Variants in AHRR observed in about 807,000 individuals in gnomAD.
The protein encoded by AHRR is aryl hydrocarbon receptor repressor, also known as ahR repressor.
AHRR carries 28 observed loss-of-function variants against 44.0 expected under a neutral mutation model. The ratio of observed to expected loss-of-function variants is 0.64; its 90% CI spans 0.47 to 0.87. The LOEUF is 0.87. Among genes scored for constraint, AHRR ranks in the 40% least tolerant of loss-of-function variants. AHRR has a pLI of 0.00. For synonymous variants in AHRR, 434 were observed against 407.0 expected, an observed-to-expected ratio of 1.07 and a Z score of -0.80; for missense variants, 990 against 953.9, an observed-to-expected ratio of 1.04 and a Z score of -0.50.
chr5:377,103 G>C (rs540691059), intron 4 of AHRR, among the ~76,000 whole-genome samples: 3 of 152,258 alleles, frequency 2.0e-5, no homozygotes, highest in Admixed American at 6.5e-5. Context: ...GGCTTCCCTG[G>C]TGTGGTTTCA....
At position 427,506 on chromosome 5, in the gene AHRR, G is replaced by A. The variant is rs1023565488; in HGVS notation, c.709-301G>A. ...CACAGGCGCAGTTCGTGCCACCTGC[G>A]CATGGGGTGGCACACATGAACAGGC... On this transcript the variant is annotated intron_variant, in intron 7 of 10. Coordinates refer to ENST00000684583, the MANE Select transcript of AHRR (RefSeq NM_001377236.1). 136 of 1,115,568 alleles carry A rather than the reference G, an allele frequency of 1.2e-4. No homozygotes were observed. The Middle Eastern group carries it at 3.0e-3, about 25-fold the overall frequency. 69.1% of individuals were successfully genotyped at this position (1,115,568 alleles called of 1,614,324 possible).
At position 434,109 on chromosome 5, in the gene AHRR, C is replaced by T; in HGVS notation, c.1369C>T (p.Pro457Ser). The T allele has an allele frequency of 6.2e-7, 1 of 1,613,106 alleles. No individual in the cohort carries two copies. The highest frequency in any genetic ancestry group is 8.5e-7 in the Non-Finnish European group (1 of 1,179,922). ...SPISHPPSPS[P>S]SAYSSRTSRP... The stretch of plus-strand genomic sequence containing the variant: ...CATCTCTCACCCGCCGAGCCCGTCC[C>T]CCAGTGCCTACTCCAGCCGGACCAG... Residue 457 changes from proline (P) to serine (S), a missense_variant, in exon 11 of 11, where the codon CCC becomes TCC. Pro to Ser is a moderately conservative substitution (Grantham distance 74). Transcript: ENST00000684583.
At chr5:345,543 T>G (rs1742635710) in intron 2 of AHRR, among the ~76,000 whole-genome samples, 2 of 143,698 alleles carry the variant, frequency 1.4e-5, no homozygotes, top group African/African-American at 2.6e-5. Flanking sequence ...TCTGGCTGTG[T>G]GTGGGGATGT....
intron 3 of AHRR, chr5:367,728 C>A (rs538347395): frequency 1.7e-5 from 11 of 643,360 alleles, no homozygotes; most frequent in Non-Finnish European, 3.1e-5. Context: ...GACACCACCC[C>A]CTCTGCTGCT....
intron 4 of AHRR, among the ~76,000 whole-genome samples, chr5:400,038 AC>A (rs1734946958): frequency 6.6e-6 from 1 of 152,026 alleles, no homozygotes; most frequent in African/African-American, 2.4e-5. Context: ...AGCTGCCCCG[AC>A]GCCCGCCCGG....
intron 4 of AHRR, 59 bp downstream of exon 4, chr5:376,775 T>C: frequency 6.9e-7 from 1 of 1,445,442 alleles, no homozygotes; most frequent in Non-Finnish European, 9.5e-7. Context: ...GTCACGCGTG[T>C]TCAGGCTCAG....
intron 2 of AHRR, among the ~76,000 whole-genome samples, chr5:346,630 G>C (rs988652571): frequency 1.2e-4 from 19 of 152,172 alleles, no homozygotes; most frequent in Non-Finnish European, 2.4e-4. Context: ...AACCCTTCCT[G>C]GCCCCCTACG....
At chr5:402,382 C>T (rs573994023) in intron 4 of AHRR, among the ~76,000 whole-genome samples, 249 of 146,386 alleles carry the variant, frequency 1.7e-3, no homozygotes, top group African/African-American at 5.9e-3. Flanking sequence ...AGGGGACCCT[C>T]GTGCACTGTT....
intron 2 of AHRR, among the ~76,000 whole-genome samples, 179 bp downstream of exon 2, chr5:344,143 G>C (rs1226358287): frequency 2.0e-5 from 3 of 151,350 alleles, no homozygotes; most frequent in Admixed American, 2.0e-4. Context: ...GCAGCGCCCC[G>C]GTGCCCGGAG....
At chr5:344,106 C>A (rs1200527165) in intron 2 of AHRR, 142 bp downstream of exon 2, 2 of 812,172 alleles carry the variant, frequency 2.5e-6, no homozygotes, top group South Asian at 1.7e-5. Flanking sequence ...TGAGCTCCGG[C>A]GCGGGCGGCG....
In AHRR at chr5:434,734, G is replaced by A; in HGVS notation, c.1994G>A (p.Trp665Ter). ...CGGGAGCCCTTGGACTCACCCCAGT[G>A]GGCTACTCACAGCCAGGGAATGGTG... Reference protein sequence around the residue: ...VKREPLDSPQWATHSQGMVPG... With the variant: ...VKREPLDSPQ Residue 665 changes from tryptophan (W) to a stop codon, truncating the protein, a stop_gained, in exon 11 of 11, where the codon TGG becomes TAG. Transcript: ENST00000684583. LOFTEE classifies it low-confidence loss of function (END_TRUNC). 1.3e-6 allele frequency: 2 copies of A among 1,570,514 alleles called. No individual in the cohort carries two copies. Among genetic ancestry groups the A allele is most frequent in the South Asian group, 1.2e-5 (1 of 85,584 alleles).
rs1735138524 is a variant in AHRR, at chr5:403,849, A to G, written c.352-9495A>G. 5 of 1,575,750 alleles carry G rather than the reference A, an allele frequency of 3.2e-6. No individual in the cohort carries two copies. In the Admixed American group the frequency reaches 6.7e-5, roughly 21 times the overall value. ...CTCTTCCTTTTTGCTCAAAGGACAA[A>G]GAACCCACATTAAAGCTTTTCCTCC... On this transcript the variant is annotated intron_variant, in intron 4 of 10. Coordinates refer to ENST00000684583, the MANE Select transcript of AHRR (RefSeq NM_001377236.1).
rs775391953 is a variant in AHRR at position 353,865 on chromosome 5, C to A, written c.198C>A (p.Val66=). 3 of 1,614,146 alleles carry A rather than the reference C, an allele frequency of 1.9e-6. No individual in the cohort carries two copies. In the South Asian group the frequency reaches 3.3e-5, roughly 18 times the overall value. ...DIISKLDKLS[V]LRLSVSYLRV... is the part of the protein sequence containing the mutation. ...TCTCCAAGCTGGACAAGCTTTCTGT[C>A]CTGCGCCTCAGTGTCAGTTACCTCC... Residue 66 remains valine (V), a synonymous_variant, in exon 3 of 11, where the codon GTC becomes GTA. Transcript: ENST00000684583.
At position 404,880 on chromosome 5, in the gene AHRR, T is replaced by C. The variant is rs1041331904; in HGVS notation, c.352-8464T>C. Among the ~76,000 whole-genome samples the C allele has an allele frequency of 2.6e-5, 4 of 152,128 alleles. No homozygotes were observed. The highest frequency in any genetic ancestry group is 5.9e-5 in the Non-Finnish European group (4 of 68,016). ...CACCTGCCATTCCTCCTTCGTGCCT[T>C]CGAGTAGCAGGCTCAGTCCATTTTG... On this transcript the variant is annotated intron_variant, in intron 4 of 10. Coordinates refer to ENST00000684583, the MANE Select transcript of AHRR (RefSeq NM_001377236.1). This position sits in a 1 kb window ranked among gnomAD's most constrained non-coding sequence, Gnocchi z 4.1.
chr5:414,614 C>CGT (rs1168461529), intron 5 of AHRR, among the ~76,000 whole-genome samples: 1 of 152,164 alleles, frequency 6.6e-6, no homozygotes, highest in Non-Finnish European at 1.5e-5. Flanking sequence ...GTAAACAAAC[C>CGT]GTGCTTCCTG....
intron 3 of AHRR, among the ~76,000 whole-genome samples, chr5:371,938 T>C (rs1368939311): frequency 2.6e-5 from 4 of 152,162 alleles, no homozygotes; most frequent in African/African-American, 7.2e-5. Context: ...AAGAAAGGGA[T>C]CCTGGGCCTT....
intron 3 of AHRR, among the ~76,000 whole-genome samples, chr5:361,905 G>T (rs1743198155): frequency 6.6e-6 from 1 of 152,214 alleles, no homozygotes; most frequent in Non-Finnish European, 1.5e-5. Flanking sequence ...ATGCTGGAAT[G>T]GGTTAAGACG....
At position 342,505 on chromosome 5, in the gene AHRR, T is replaced by A. The variant is rs1480933012; in HGVS notation, c.-10-1388T>A. Among the ~76,000 whole-genome samples the A allele has an allele frequency of 2.0e-5, 3 of 152,246 alleles. No homozygotes were observed. The highest frequency in any genetic ancestry group is 4.4e-5 in the Non-Finnish European group (3 of 68,048). On this transcript the variant is annotated intron_variant, in intron 1 of 10. Coordinates refer to ENST00000684583, the MANE Select transcript of AHRR (RefSeq NM_001377236.1). This position sits in a 1 kb window ranked among gnomAD's most constrained non-coding sequence, Gnocchi z 4.3. ...ATTTGATTAACGTTTGCATGTTGTA[T>A]CTTTTTCTATCCATTTACTTTATCT...
chr5:394,806 AG>A (rs1734625824), intron 4 of AHRR, among the ~76,000 whole-genome samples: 1 of 152,228 alleles, frequency 6.6e-6, no homozygotes, highest in African/African-American at 2.4e-5. Context: ...GCAGGTGGGC[AG>A]GGCCAGCTCC....
Sources: allele counts gnomAD v4.1 joint callset (sites outside exome capture counted in the v4.1 genomes callset), GRCh38; gene constraint gnomAD v4.1.1; non-coding constraint Gnocchi (gnomAD v3.1); transcripts MANE v1.5; gene names NCBI Gene and HGNC (gene_info 2026-07-23, HGNC 2026-07-21).